Variants in SFMBT2 observed in about 807,000 individuals in gnomAD.
The protein encoded by SFMBT2 is scm-like with four MBT domains protein 2.
In SFMBT2, 38 loss-of-function variants were observed where a neutral mutation model predicts 110.1. That is an observed-to-expected ratio of 0.35 (90% CI 0.27 to 0.45). SFMBT2 has a LOEUF of 0.45. Ranked by LOEUF, SFMBT2 falls within the 20% of genes least tolerant of loss-of-function variation. The pLI, the probability that SFMBT2 is intolerant of heterozygous loss-of-function variation, is 1.00. For missense variants in SFMBT2, 1,011 were observed against 1,094.9 expected (o/e 0.92, Z 1.08); for synonymous variants, 425 against 425.4 (o/e 1.00, Z 0.01).
At chr10:7,282,570 C>T (rs1841976556) in intron 6 of SFMBT2, among the ~76,000 whole-genome samples, 1 of 152,206 alleles carries the variant, frequency 6.6e-6, no homozygotes, top group African/African-American at 2.4e-5. Flanking sequence ...AAAAATTACT[C>T]AGGATAGAGA....
At chr10:7,241,492 G>T in intron 9 of SFMBT2, 1 of 248,744 alleles carries the variant, frequency 4.0e-6, no homozygotes, top group Non-Finnish European at 6.4e-6. Flanking sequence ...CAAGAGAAAG[G>T]AATGGTTTGG....
At chr10:7,335,162 G>A (rs907458979) in intron 4 of SFMBT2, among the ~76,000 whole-genome samples, 13 of 152,150 alleles carry the variant, frequency 8.5e-5, no homozygotes, top group African/African-American at 2.2e-4. Flanking sequence ...TGGGAACCAC[G>A]TTCAACATGT....
chr10:7,271,291 CAAAAAA>C (rs56364927), intron 7 of SFMBT2, among the ~76,000 whole-genome samples: 10 of 97,552 alleles, frequency 1.0e-4, no homozygotes, highest in African/African-American at 3.1e-4. Flanking sequence ...AGATTGCCTC[CAAAAAA>C]AAAAAAAAAA....
chr10:7,331,211 T>C (rs902601980), intron 4 of SFMBT2, among the ~76,000 whole-genome samples: 5 of 152,164 alleles, frequency 3.3e-5, no homozygotes, highest in Admixed American at 6.6e-5. Context: ...AATTCCCCCA[T>C]AGGCTAAGAC....
Position 7,171,075 on chromosome 10 carries a change from A to C in SFMBT2, c.2416-19T>G. 6.2e-7 allele frequency: 1 copy of C among 1,613,884 alleles called. No homozygotes were observed. The highest frequency in any genetic ancestry group is 8.5e-7 in the Non-Finnish European group (1 of 1,179,874). On this transcript the variant is annotated intron_variant, in intron 19 of 20. Coordinates refer to ENST00000397167, the MANE Select transcript of SFMBT2 (RefSeq NM_001387889.1). This position sits in a 1 kb window ranked among gnomAD's most constrained non-coding sequence, Gnocchi z 4.9. Reference sequence around the variant, plus strand: ...TCGTGTCCTGCAGAGAAAGGGCAGGAGGAGCTCAGCTGCGGCACAGTCAGC... The same window carrying C: ...TCGTGTCCTGCAGAGAAAGGGCAGGCGGAGCTCAGCTGCGGCACAGTCAGC...
At chr10:7,320,709 A>C (rs1262461828) in intron 4 of SFMBT2, 1 of 712,828 alleles carries the variant, frequency 1.4e-6, no homozygotes, top group Non-Finnish European at 1.7e-6. Flanking sequence ...GTCTAACCTC[A>C]GTGTTTTGCG....
intron 11 of SFMBT2, among the ~76,000 whole-genome samples, chr10:7,219,136 A>G (rs1839639595): frequency 6.6e-6 from 1 of 152,234 alleles, no homozygotes; most frequent in Admixed American, 6.5e-5. Flanking sequence ...TAGTCATTAC[A>G]AAATACAGAA....
chr10:7,376,558 G>A (rs1217208906), intron 2 of SFMBT2, among the ~76,000 whole-genome samples: 1 of 150,972 alleles, frequency 6.6e-6, no homozygotes, highest in African/African-American at 2.4e-5. Context: ...AATTAGCCAG[G>A]CGTGGTGGTG....
intron 4 of SFMBT2, among the ~76,000 whole-genome samples, chr10:7,361,854 T>TC (rs750398458): frequency 2.8e-4 from 42 of 152,270 alleles, no homozygotes; most frequent in South Asian, 1.2e-3. Flanking sequence ...CCTGCAATCT[T>TC]CCACGAGCAT....
chr10:7,243,416 A>G (rs1250619924), intron 9 of SFMBT2, 142 bp downstream of exon 9: 1 of 649,876 alleles, frequency 1.5e-6, no homozygotes, highest in South Asian at 2.0e-5. Flanking sequence ...ACCTATGTCA[A>G]GCTGATGAAG....
At chr10:7,381,453 G>C (rs1588497732) in intron 2 of SFMBT2, among the ~76,000 whole-genome samples, 2 of 152,188 alleles carry the variant, frequency 1.3e-5, no homozygotes, top group South Asian at 4.2e-4. Flanking sequence ...GATGACTGCT[G>C]GTCCGAGACC....
intron 9 of SFMBT2, among the ~76,000 whole-genome samples, chr10:7,236,109 G>C (rs1840245194): frequency 6.7e-6 from 1 of 150,060 alleles, no homozygotes; most frequent in Admixed American, 6.7e-5. Flanking sequence ...TATACCAGCT[G>C]ACAGCCAATA....
chr10:7,214,546 C>T lies in SFMBT2; in HGVS notation c.1330+5865G>A, dbSNP rs993605886. On this transcript the variant is annotated intron_variant, in intron 11 of 20. Coordinates refer to ENST00000397167, the MANE Select transcript of SFMBT2 (RefSeq NM_001387889.1). ...ATCACTGCTTCTTGTGTTTAAATAC[C>T]TATGAGGAAATTCTACGGACTTATG... 26 of 985,020 alleles carry T rather than the reference C, an allele frequency of 2.6e-5. No individual in the cohort carries two copies. The African/African-American group carries it at 4.0e-4, about 15-fold the overall frequency. 61.0% of individuals were successfully genotyped at this position (985,020 alleles called of 1,614,324 possible). A position where few individuals can be genotyped will look rare whatever the true frequency, so the allele number is the denominator to read the frequency against.
At chr10:7,341,597 C>T (rs1373394469) in intron 4 of SFMBT2, among the ~76,000 whole-genome samples, 6 of 152,148 alleles carry the variant, frequency 3.9e-5, no homozygotes, top group African/African-American at 1.2e-4. Context: ...TTTGGCTCCA[C>T]GTTGTAGAAA....
intron 15 of SFMBT2, among the ~76,000 whole-genome samples, chr10:7,194,449 C>T (rs1302183558): frequency 6.6e-6 from 1 of 152,146 alleles, no homozygotes; most frequent in Non-Finnish European, 1.5e-5. Flanking sequence ...GCATCCACAC[C>T]CCGAGACGTC....
intron 16 of SFMBT2, 55 bp from the exon 17 acceptor site, chr10:7,176,220 C>G: frequency 6.4e-7 from 1 of 1,553,210 alleles, no homozygotes. Context: ...TGATTCAGGC[C>G]TATTCTGTAC....
rs547518737 is a variant in SFMBT2 at position 7,336,313 on chromosome 10, G to A, written c.436+31336C>T. On this transcript the variant is annotated intron_variant, in intron 4 of 20. Transcript: ENST00000397167. ...GTTTTACAGATAGTAAAAGCCCACA[G>A]CTGACCGCAAAATTTCTAGACTGGC... Among the ~76,000 whole-genome samples, 3 of 152,300 alleles carry A rather than the reference G, an allele frequency of 2.0e-5. No individual in the cohort carries two copies. The South Asian group carries it at 6.2e-4, about 32-fold the overall frequency.
chr10:7,392,281 G>A (rs901290894), intron 1 of SFMBT2, among the ~76,000 whole-genome samples: 7 of 152,258 alleles, frequency 4.6e-5, no homozygotes, highest in African/African-American at 1.2e-4. Context: ...TTGGGAGGCC[G>A]AGGTGGGCGG....
In SFMBT2 at chr10:7,163,970, G is replaced by A. The variant is rs140120334; in HGVS notation, c.2545-60C>T. 7.4e-3 allele frequency: 11,361 copies of A among 1,544,484 alleles called. 43 individuals are homozygous for A. The highest frequency in any genetic ancestry group is 9.1e-3 in the Non-Finnish European group (10,374 of 1,143,938). Reference sequence around the variant, plus strand: ...AGTGTGCACTGGGGTACACAGATGCGTCACAGCAGGCTCCAGTCCGGGGCC... The same window carrying A: ...AGTGTGCACTGGGGTACACAGATGCATCACAGCAGGCTCCAGTCCGGGGCC... On this transcript the variant is annotated intron_variant, in intron 20 of 20. Coordinates refer to ENST00000397167, the MANE Select transcript of SFMBT2 (RefSeq NM_001387889.1). This position sits in a 1 kb window ranked among gnomAD's most constrained non-coding sequence, Gnocchi z 4.8.
Sources: gnomAD v4.1 joint callset for allele counts (sites outside exome capture counted in the v4.1 genomes callset) on GRCh38, gnomAD v4.1.1 for gene constraint, Gnocchi (gnomAD v3.1) non-coding constraint, MANE v1.5 for transcripts, NCBI Gene and HGNC (gene_info 2026-07-23, HGNC 2026-07-21) for gene names.